The following NEK11 variants were observed in gnomAD, a reference collection of about 807,000 sequenced individuals.
NEK11 encodes serine/threonine-protein kinase Nek11.
A neutral mutation model predicts 80.7 loss-of-function variants in NEK11; 72 were observed. The ratio of observed to expected loss-of-function variants is 0.89; its 90% CI spans 0.74 to 1.08. NEK11 has a LOEUF of 1.08. Ranked by LOEUF, NEK11 falls within the 50% of genes least tolerant of loss-of-function variation. The pLI is 0.00. For missense variants in NEK11, 764 were observed against 763.6 expected (o/e 1.00, Z -0.01); for synonymous variants, 251 against 260.7 (o/e 0.96, Z 0.36).
chr3:131,349,979 C>A lies in NEK11; in HGVS notation c.*203C>A. The A allele has an allele frequency of 1.8e-6, 1 of 568,814 alleles. No individual in the cohort carries two copies. The allele number at this position is 568,814 out of a possible 1,614,324, so 35.2% of individuals were successfully genotyped here. ...CTTGGAGTCATAAGTGTTATTTGGACTATACCCTGAGATAAGCTTATAGAT... is the reference window on the plus strand; with the variant it reads ...CTTGGAGTCATAAGTGTTATTTGGAATATACCCTGAGATAAGCTTATAGAT... On this transcript the variant is annotated 3_prime_UTR_variant, in exon 18 of 18. Coordinates refer to ENST00000383366, the MANE Select transcript of NEK11 (RefSeq NM_024800.5).
intron 13 of NEK11, among the ~76,000 whole-genome samples, chr3:131,170,075 A>C (rs2092577953): frequency 6.6e-6 from 1 of 152,146 alleles, no homozygotes; most frequent in Admixed American, 6.5e-5. Context: ...CTTTCTTTTA[A>C]ATTTTCTTTT....
intron 17 of NEK11, among the ~76,000 whole-genome samples, chr3:131,333,803 G>A (rs1365912099): frequency 6.6e-6 from 1 of 152,134 alleles, no homozygotes. Context: ...ACAAAAGAAG[G>A]CAGGGGTTGC....
chr3:131,159,391 A>G (rs1369927163), intron 10 of NEK11, among the ~76,000 whole-genome samples: 3 of 152,238 alleles, frequency 2.0e-5, no homozygotes, highest in African/African-American at 7.2e-5. Context: ...AAGAAACATA[A>G]TAAAATGATA....
chr3:131,115,347 A>G (rs1464546395), intron 5 of NEK11, among the ~76,000 whole-genome samples: 1 of 152,128 alleles, frequency 6.6e-6, no homozygotes, highest in African/African-American at 2.4e-5. Context: ...GGGACTTCTC[A>G]GCCTCCCTAA....
chr3:131,167,267 G>T (rs1187753554), intron 12 of NEK11, among the ~76,000 whole-genome samples: 1 of 152,164 alleles, frequency 6.6e-6, no homozygotes, highest in Non-Finnish European at 1.5e-5. Flanking sequence ...TCTCTTCAGG[G>T]TCTTGTCTTC....
At chr3:131,089,797 G>T (rs940845948) in intron 4 of NEK11, among the ~76,000 whole-genome samples, 1 of 152,034 alleles carries the variant, frequency 6.6e-6, no homozygotes, top group Non-Finnish European at 1.5e-5. Flanking sequence ...TGATAATAGG[G>T]ATATGCATTT....
At chr3:131,124,775 A>C (rs1045271606) in intron 5 of NEK11, among the ~76,000 whole-genome samples, 2 of 152,226 alleles carry the variant, frequency 1.3e-5, no homozygotes, top group African/African-American at 4.8e-5. Flanking sequence ...GGAATGTAAG[A>C]AGGCAGTAGA....
intron 15 of NEK11, among the ~76,000 whole-genome samples, chr3:131,237,812 A>T (rs2095456146): frequency 6.6e-6 from 1 of 152,092 alleles, no homozygotes; most frequent in Non-Finnish European, 1.5e-5. Flanking sequence ...TTCATATCCA[A>T]TCCATAAGCA....
In NEK11 at chr3:131,203,655, C is replaced by G. The variant is rs757457463; in HGVS notation, c.1400-24873C>G. ...AAACGGTGATATTGTGATACACACACACACACACATATATAAAGTACACAT... is the reference window on the plus strand; with the variant it reads ...AAACGGTGATATTGTGATACACACAGACACACACATATATAAAGTACACAT... On this transcript the variant is annotated intron_variant, in intron 14 of 17. Coordinates refer to ENST00000383366, the MANE Select transcript of NEK11 (RefSeq NM_024800.5). Among the ~76,000 whole-genome samples, 93 of 147,772 alleles carry G rather than the reference C, an allele frequency of 6.3e-4. 2 individuals carry two copies. Among genetic ancestry groups the G allele is most frequent in the Non-Finnish European group, 1.0e-3 (70 of 67,086 alleles).
chr3:131,167,808 C>A (rs1274054000), intron 12 of NEK11, among the ~76,000 whole-genome samples: 1 of 152,228 alleles, frequency 6.6e-6, no homozygotes, highest in African/African-American at 2.4e-5. Flanking sequence ...TTTTCATCCC[C>A]TTCCCATCAG....
intron 4 of NEK11, among the ~76,000 whole-genome samples, chr3:131,094,701 A>G (rs2077191063): frequency 6.6e-6 from 1 of 152,202 alleles, no homozygotes; most frequent in African/African-American, 2.4e-5. Context: ...GTACATCCAG[A>G]AACTATTCAT....
At chr3:131,085,018 A>G (rs972325662) in intron 4 of NEK11, among the ~76,000 whole-genome samples, 3 of 152,388 alleles carry the variant, frequency 2.0e-5, no homozygotes, top group Admixed American at 6.5e-5. Context: ...GATGAGGCCC[A>G]GAGCTGAGAA....
intron 16 of NEK11, among the ~76,000 whole-genome samples, chr3:131,259,585 G>A (rs1019028265): frequency 6.6e-6 from 1 of 152,130 alleles, no homozygotes; most frequent in East Asian, 1.9e-4. Flanking sequence ...GAAGGAGAAG[G>A]ATGCAGGATG....
intron 17 of NEK11, among the ~76,000 whole-genome samples, chr3:131,336,022 T>C (rs529765303): frequency 2.3e-4 from 35 of 152,270 alleles, no homozygotes; most frequent in African/African-American, 7.5e-4. Flanking sequence ...AGAATCAATA[T>C]CATGAAAACG....
At chr3:131,099,607 TG>T (rs1347542372) in intron 4 of NEK11, among the ~76,000 whole-genome samples, 1 of 152,214 alleles carries the variant, frequency 6.6e-6, no homozygotes. Context: ...AAGTATGGAA[TG>T]TTTTTTCCAT....
At chr3:131,131,917 T>C (rs1285275234) in intron 5 of NEK11, among the ~76,000 whole-genome samples, 1 of 152,088 alleles carries the variant, frequency 6.6e-6, no homozygotes, top group African/African-American at 2.4e-5. Context: ...TTCATTTAGT[T>C]CAAAATATTT....
chr3:131,305,834 C>A (rs986531476), intron 17 of NEK11, among the ~76,000 whole-genome samples: 13 of 152,172 alleles, frequency 8.5e-5, no homozygotes, highest in Non-Finnish European at 1.8e-4. Flanking sequence ...CTCCCAGCTT[C>A]TTCCCCTTAC....
chr3:131,201,905 G>A (rs1462420194), intron 14 of NEK11, among the ~76,000 whole-genome samples: 1 of 152,148 alleles, frequency 6.6e-6, no homozygotes, highest in East Asian at 1.9e-4. Context: ...CACAATCTCT[G>A]CTCGCTGCAA....
intron 16 of NEK11, among the ~76,000 whole-genome samples, chr3:131,249,415 G>T (rs902092893): frequency 6.6e-6 from 1 of 152,066 alleles, no homozygotes; most frequent in Non-Finnish European, 1.5e-5. Context: ...GACAGTGTGC[G>T]TAAGGAGAAA....
Sources: allele counts gnomAD v4.1 joint callset (sites outside exome capture counted in the v4.1 genomes callset), GRCh38; gene constraint gnomAD v4.1.1; transcripts MANE v1.5; gene names NCBI Gene and HGNC (gene_info 2026-07-23, HGNC 2026-07-21).